Variants in LRP1B observed in about 807,000 individuals in gnomAD.
LRP1B encodes the protein LDL receptor related protein 1B, also known as low-density lipoprotein receptor-related protein 1B.
Under a neutral mutation model 556.6 loss-of-function variants are expected in LRP1B, and 217 were observed. The ratio of observed to expected loss-of-function variants is 0.39; its 90% CI spans 0.35 to 0.44. LRP1B has a LOEUF of 0.44. Ranked by LOEUF, LRP1B falls within the 20% of genes least tolerant of loss-of-function variation. The pLI is 1.00. For synonymous variants in LRP1B, 2,047 were observed against 1,865.8 expected (o/e 1.10, Z -2.50); for missense variants, 5,053 against 5,620.8 (o/e 0.90, Z 3.23).
At chr2:140,789,052 T>C (rs1222016789) in intron 32 of LRP1B, among the ~76,000 whole-genome samples, 5 of 152,140 alleles carry the variant, frequency 3.3e-5, no homozygotes, top group African/African-American at 9.7e-5. Flanking sequence ...ATGTCTATTG[T>C]TTAAGATACC....
At position 140,771,016 on chromosome 2, in the gene LRP1B, A is replaced by G; in HGVS notation, c.5501-10T>C. ...TGGCAGGAATTGCTGCCTGCATAGA[A>G]TGAAAATGAAACAAATTTCTTTAAT... On this transcript the variant is annotated splice_polypyrimidine_tract_variant and intron_variant, in intron 33 of 90. Coordinates refer to ENST00000389484, the MANE Select transcript of LRP1B (RefSeq NM_018557.3). 3 of 1,555,844 alleles carry G rather than the reference A, an allele frequency of 1.9e-6. No individual in the cohort carries two copies. The highest frequency in any genetic ancestry group is 2.6e-6 in the Non-Finnish European group (3 of 1,160,650).
intron 20 of LRP1B, among the ~76,000 whole-genome samples, chr2:140,942,506 G>A (rs914582312): frequency 6.6e-6 from 1 of 152,176 alleles, no homozygotes; most frequent in South Asian, 2.1e-4. Flanking sequence ...TCCAAGGTCG[G>A]CATGAAAGAA....
chr2:141,532,192 A>G (rs1053278272), intron 2 of LRP1B, among the ~76,000 whole-genome samples: 2 of 152,170 alleles, frequency 1.3e-5, no homozygotes, highest in Non-Finnish European at 2.9e-5. Context: ...TTGGTTTTAC[A>G]TTTAAATAAG....
chr2:140,312,852 C>T lies in LRP1B; in HGVS notation c.12805+2083G>A, dbSNP rs377265808. On this transcript the variant is annotated intron_variant, in intron 83 of 90. Transcript: ENST00000389484. Reference sequence around the variant, plus strand: ...ATGTAAAATTTTAATTATGCCTCAACGATGTGTACTTTTAATTAGTGACAT... The same window carrying T: ...ATGTAAAATTTTAATTATGCCTCAATGATGTGTACTTTTAATTAGTGACAT... 5.1e-4 allele frequency among the ~76,000 whole-genome samples: 78 copies of T among 151,992 alleles called. No individual in the cohort carries two copies. In the South Asian group the frequency reaches 0.013, roughly 25 times the overall value.
rs146329885 is a variant in LRP1B at position 140,492,316 on chromosome 2, C to A, written c.9120+292G>T. On this transcript the variant is annotated intron_variant, in intron 57 of 90. Transcript: ENST00000389484. Reference sequence around the variant, plus strand: ...GAAAATACACCACAGGAATGGTGGTCTTCGTTTATACTTAAAACTGGCATA... The same window carrying A: ...GAAAATACACCACAGGAATGGTGGTATTCGTTTATACTTAAAACTGGCATA... 7.6e-3 allele frequency among the ~76,000 whole-genome samples: 1,161 copies of A among 152,190 alleles called. 9 individuals are homozygous for A. The highest frequency in any genetic ancestry group is 0.015 in the South Asian group (72 of 4,816).
chr2:140,344,565 T>G (rs1681557339), intron 77 of LRP1B, among the ~76,000 whole-genome samples: 1 of 151,816 alleles, frequency 6.6e-6, no homozygotes, highest in African/African-American at 2.4e-5. Context: ...CAGCAACAAC[T>G]AATGACTCCA....
intron 2 of LRP1B, among the ~76,000 whole-genome samples, chr2:141,706,873 G>A (rs967642823): frequency 6.6e-6 from 1 of 151,888 alleles, no homozygotes; most frequent in Admixed American, 6.6e-5. Context: ...AGTAATATTT[G>A]ATTCTACTCT....
intron 2 of LRP1B, among the ~76,000 whole-genome samples, chr2:141,597,889 G>A (rs925888001): frequency 9.9e-5 from 15 of 151,496 alleles, no homozygotes; most frequent in East Asian, 1.9e-4. Flanking sequence ...TTTGTGTTTC[G>A]TCTTGTTGTT....
At chr2:141,464,614 A>ATATAT (rs1682104217) in intron 3 of LRP1B, among the ~76,000 whole-genome samples, 2 of 32,366 alleles carry the variant, frequency 6.2e-5, no homozygotes, top group Non-Finnish European at 1.1e-4. Flanking sequence ...ATATTTTTTT[A>ATATAT]GTAGAGATGG....
At chr2:140,304,077 G>A (rs1461632820) in intron 83 of LRP1B, among the ~76,000 whole-genome samples, 1 of 152,140 alleles carries the variant, frequency 6.6e-6, no homozygotes, top group Admixed American at 6.6e-5. Flanking sequence ...CATTTGCGTT[G>A]GTTCCAAGTC....
At chr2:140,402,391 C>A (rs919880517) in intron 66 of LRP1B, among the ~76,000 whole-genome samples, 1 of 152,180 alleles carries the variant, frequency 6.6e-6, no homozygotes, top group Non-Finnish European at 1.5e-5. Flanking sequence ...TCCACCACTG[C>A]AGACATGGCT....
At chr2:141,248,898 A>C (rs998797188) in intron 4 of LRP1B, among the ~76,000 whole-genome samples, 3 of 152,180 alleles carry the variant, frequency 2.0e-5, no homozygotes, top group East Asian at 3.9e-4. Flanking sequence ...TGGCAGTGGA[A>C]ATGAAGAGGA....
chr2:141,414,329 GAGAA>G (rs775328032), intron 3 of LRP1B, among the ~76,000 whole-genome samples: 8 of 145,620 alleles, frequency 5.5e-5, no homozygotes, highest in Non-Finnish European at 4.5e-5. Flanking sequence ...GAGATAAAGA[GAGAA>G]AGAGAGAGAG....
intron 2 of LRP1B, among the ~76,000 whole-genome samples, chr2:141,589,374 A>G (rs913527995): frequency 6.6e-6 from 1 of 152,152 alleles, no homozygotes; most frequent in African/African-American, 2.4e-5. Context: ...CAGGGATTAT[A>G]AAAGTTTGTA....
intron 2 of LRP1B, among the ~76,000 whole-genome samples, chr2:141,769,719 T>C (rs535392121): frequency 6.6e-6 from 1 of 152,330 alleles, no homozygotes; most frequent in Admixed American, 6.5e-5. Context: ...AGCTGCATAA[T>C]TGGCATTTCC....
chr2:141,696,762 C>A (rs1441497576), intron 2 of LRP1B, among the ~76,000 whole-genome samples: 1 of 151,862 alleles, frequency 6.6e-6, no homozygotes, highest in Non-Finnish European at 1.5e-5. Flanking sequence ...GATTAAGAAA[C>A]TAAATATGTA....
intron 32 of LRP1B, among the ~76,000 whole-genome samples, chr2:140,778,164 A>T (rs1689563384): frequency 6.6e-6 from 1 of 152,198 alleles, no homozygotes; most frequent in African/African-American, 2.4e-5. Flanking sequence ...ACCAACATAC[A>T]GTTGCCTGGA....
At chr2:141,693,611 G>T (rs564583728) in intron 2 of LRP1B, among the ~76,000 whole-genome samples, 77 of 152,172 alleles carry the variant, frequency 5.1e-4, no homozygotes, top group Admixed American at 9.8e-4. Flanking sequence ...ATGGCCTCCA[G>T]TAGCACAGTG....
At chr2:140,471,867 C>A (rs961100447) in intron 60 of LRP1B, among the ~76,000 whole-genome samples, 1 of 152,140 alleles carries the variant, frequency 6.6e-6, no homozygotes, top group Admixed American at 6.6e-5. Context: ...TATATGACTT[C>A]CAGTCATAGG....
Sources: gnomAD v4.1 joint callset for allele counts (sites outside exome capture counted in the v4.1 genomes callset) on GRCh38, gnomAD v4.1.1 for gene constraint, MANE v1.5 for transcripts, NCBI Gene and HGNC (gene_info 2026-07-23, HGNC 2026-07-21) for gene names.